Variants in TYW1B observed in about 807,000 individuals in gnomAD.
TYW1B encodes the protein S-adenosyl-L-methionine-dependent tRNA 4-demethylwyosine synthase TYW1B.
TYW1B carries 73 observed loss-of-function variants against 86.9 expected under a neutral mutation model. That is an observed-to-expected ratio of 0.84 (90% CI 0.70 to 1.02). The LOEUF (loss-of-function observed/expected upper bound fraction) is 1.02. TYW1B is among the 50% of genes least tolerant of loss of function. The pLI is 0.00. For missense variants in TYW1B, 637 were observed against 827.4 expected (o/e 0.77, Z 2.82); for synonymous variants, 248 against 292.8 (o/e 0.85, Z 1.56).
At chr7:72,820,890 G>A (rs1306447367) in intron 2 of TYW1B, among the ~76,000 whole-genome samples, 2 of 152,194 alleles carry the variant, frequency 1.3e-5, no homozygotes, top group African/African-American at 4.8e-5. Flanking sequence ...AAAGCTGTGA[G>A]AATCAACAAC....
At chr7:72,655,084 C>T (rs1373200581) in intron 11 of TYW1B, among the ~76,000 whole-genome samples, 1 of 152,088 alleles carries the variant, frequency 6.6e-6, no homozygotes, top group Admixed American at 6.6e-5. Context: ...GCTTGGTACT[C>T]ACCTCCTCCA....
Position 72,604,874 on chromosome 7 carries a change from G to A in TYW1B, c.1785+11798C>T, listed in dbSNP as rs538126291. Among the ~76,000 whole-genome samples the A allele has an allele frequency of 2.6e-4, 39 of 152,236 alleles. No homozygotes were observed. In the South Asian group the frequency reaches 7.9e-3, roughly 31 times the overall value. On this transcript the variant is annotated intron_variant, in intron 13 of 13. Coordinates refer to ENST00000620995, the MANE Select transcript of TYW1B (RefSeq NM_001145440.3). ...GGCTCATTTACCTGAACGTGAGTGG[G>A]ATTTGTCTTTCCGCTGCTCAAAGCC...
At chr7:72,739,151 T>C (rs1283541590) in intron 8 of TYW1B, among the ~76,000 whole-genome samples, 2 of 152,140 alleles carry the variant, frequency 1.3e-5, no homozygotes, top group East Asian at 1.9e-4. Flanking sequence ...ATCTGTCAAT[T>C]GAAGTATGTA....
At chr7:72,667,731 A>C (rs1316657172) in intron 11 of TYW1B, among the ~76,000 whole-genome samples, 1 of 152,136 alleles carries the variant, frequency 6.6e-6, no homozygotes, top group African/African-American at 2.4e-5. Flanking sequence ...AAAACAAAAC[A>C]AAGAGATGTT....
chr7:72,763,369 G>A lies in TYW1B; in HGVS notation c.964+14047C>T, dbSNP rs545518260. 5.0e-5 allele frequency among the ~76,000 whole-genome samples: 7 copies of A among 139,500 alleles called. No homozygotes were observed. In the East Asian group the frequency reaches 1.1e-3, roughly 22 times the overall value. 91.5% of individuals were successfully genotyped at this position (139,500 alleles called of 152,430 possible). ...GTAGTCTCGGCTCACTGCAACCTCCGCCTCCTGGGTTCAAGCGATTCTCCT... is the reference window on the plus strand; with the variant it reads ...GTAGTCTCGGCTCACTGCAACCTCCACCTCCTGGGTTCAAGCGATTCTCCT... On this transcript the variant is annotated intron_variant, in intron 7 of 13. Transcript: ENST00000620995.
chr7:72,703,023 TATA>T (rs1448444544), intron 10 of TYW1B, among the ~76,000 whole-genome samples: 611 of 9,404 alleles, frequency 0.065, 12 homozygotes, highest in Non-Finnish European at 0.077. Flanking sequence ...TATATATATA[TATA>T]TTTTTTTTTT....
intron 10 of TYW1B, among the ~76,000 whole-genome samples, chr7:72,711,894 G>C (rs1193882302): frequency 1.3e-5 from 2 of 150,648 alleles, no homozygotes; most frequent in African/African-American, 2.4e-5. Flanking sequence ...CACTACCCAT[G>C]TACTGAGCAC....
intron 11 of TYW1B, among the ~76,000 whole-genome samples, chr7:72,664,453 G>A (rs1554444946): frequency 1.3e-5 from 2 of 152,000 alleles, no homozygotes; most frequent in Non-Finnish European, 2.9e-5. Context: ...AAAAGAACAA[G>A]ATCATGTCCT....
At chr7:72,698,647 A>C (rs1388443329) in intron 10 of TYW1B, among the ~76,000 whole-genome samples, 6 of 2,612 alleles carry the variant, frequency 2.3e-3, no homozygotes, top group African/African-American at 0.011. Context: ...CTCCATCTCA[A>C]AAAAAAAAAA....
intron 9 of TYW1B, among the ~76,000 whole-genome samples, chr7:72,718,339 C>T (rs2844071): frequency 2.0e-5 from 3 of 152,148 alleles, no homozygotes; most frequent in Non-Finnish European, 4.4e-5. Flanking sequence ...GACGGGGCGA[C>T]AGTTGAAAAA....
At chr7:72,755,283 G>A (rs573142093) in intron 7 of TYW1B, among the ~76,000 whole-genome samples, 4 of 152,146 alleles carry the variant, frequency 2.6e-5, no homozygotes, top group South Asian at 2.1e-4. Context: ...GCCAAACATC[G>A]TGGTGCGCAC....
chr7:72,697,208 G>A (rs1814342658), intron 10 of TYW1B, among the ~76,000 whole-genome samples: 1 of 152,002 alleles, frequency 6.6e-6, no homozygotes, highest in Non-Finnish European at 1.5e-5. Context: ...ACATTCCAAA[G>A]GCCATACTCC....
At chr7:72,812,586 A>G (rs563953177) in intron 3 of TYW1B, among the ~76,000 whole-genome samples, 54 of 152,162 alleles carry the variant, frequency 3.5e-4, no homozygotes, top group Non-Finnish European at 7.1e-4. Flanking sequence ...GTGCACACCA[A>G]TACATTTTCT....
chr7:72,650,252 G>A (rs536409063), intron 11 of TYW1B, among the ~76,000 whole-genome samples: 3 of 151,950 alleles, frequency 2.0e-5, no homozygotes, highest in East Asian at 1.9e-4. Context: ...TCCCTGTGCC[G>A]AAGCTTGGTC....
intron 12 of TYW1B, among the ~76,000 whole-genome samples, chr7:72,617,982 G>A (rs1274202884): frequency 6.6e-6 from 1 of 151,816 alleles, no homozygotes; most frequent in Admixed American, 6.6e-5. Context: ...CTTATTTCTT[G>A]AAATAAATCT....
chr7:72,715,788 T>C (rs1439841851), intron 9 of TYW1B, among the ~76,000 whole-genome samples: 1 of 151,948 alleles, frequency 6.6e-6, no homozygotes, highest in Non-Finnish European at 1.5e-5. Context: ...TGACTCCTGA[T>C]AGTTCTAAAT....
intron 4 of TYW1B, among the ~76,000 whole-genome samples, chr7:72,810,004 A>G (rs1788574770): frequency 6.6e-6 from 1 of 151,620 alleles, no homozygotes; most frequent in Admixed American, 6.6e-5. Flanking sequence ...GTTTCCAAAA[A>G]AAAAAAAAAA....
chr7:72,716,267 T>C (rs1260518233), intron 9 of TYW1B, among the ~76,000 whole-genome samples: 2 of 152,208 alleles, frequency 1.3e-5, no homozygotes, highest in Non-Finnish European at 2.9e-5. Context: ...CATAACTTTC[T>C]TAGCTGTGAA....
rs182074012 is a variant in TYW1B, at chr7:72,623,262, T to C, written c.1617+5625A>G. 9.3e-3 allele frequency among the ~76,000 whole-genome samples: 1,422 copies of C among 152,194 alleles called. 75 individuals are homozygous for C. The East Asian group carries it at 0.11, about 12-fold the overall frequency. ...AAAAAGATAAGCAACTCAATTGAAATACAAAGGGTATGAACAGCATTGTGT... is the reference window on the plus strand; with the variant it reads ...AAAAAGATAAGCAACTCAATTGAAACACAAAGGGTATGAACAGCATTGTGT... On this transcript the variant is annotated intron_variant, in intron 12 of 13. Transcript: ENST00000620995.
Sources: allele counts gnomAD v4.1 joint callset (sites outside exome capture counted in the v4.1 genomes callset), GRCh38; gene constraint gnomAD v4.1.1; transcripts MANE v1.5; gene names NCBI Gene and HGNC (gene_info 2026-07-23, HGNC 2026-07-21).